The following EXD3 variants were observed in gnomAD, a reference collection of about 807,000 sequenced individuals.
EXD3 encodes exonuclease 3'-5' domain containing 3, also known as exonuclease mut-7 homolog.
EXD3 carries 92 observed loss-of-function variants against 98.0 expected under a neutral mutation model. That is an observed-to-expected ratio of 0.94 (90% confidence interval 0.79 to 1.12). The LOEUF (loss-of-function observed/expected upper bound fraction) is 1.12, where lower values mean the gene tolerates loss of function less well. EXD3 is among the 50% of genes most tolerant of loss of function. EXD3 has a pLI of 0.00. For synonymous variants in EXD3, 569 were observed against 526.0 expected, an observed-to-expected ratio of 1.08 and a Z score of -1.12; for missense variants, 1,222 against 1,191.6, an observed-to-expected ratio of 1.03 and a Z score of -0.38.
chr9:137,331,817 G>A lies in EXD3; in HGVS notation c.1999-7674C>T, dbSNP rs933207770. ...TGTAGTCCCAGCTACTCAGGAGGCT[G>A]AGGCAGGAGAATTGCTTGAACCCGG... On this transcript the variant is annotated intron_variant, in intron 17 of 21. Coordinates refer to ENST00000340951, the MANE Select transcript of EXD3 (RefSeq NM_017820.5). 2.0e-5 allele frequency among the ~76,000 whole-genome samples: 3 copies of A among 152,310 alleles called. No individual in the cohort carries two copies. The East Asian group carries it at 5.8e-4, about 29-fold the overall frequency.
At chr9:137,408,187 G>GT (rs1237237411) in intron 1 of EXD3, among the ~76,000 whole-genome samples, 1 of 152,116 alleles carries the variant, frequency 6.6e-6, no homozygotes, top group Non-Finnish European at 1.5e-5. Flanking sequence ...GCGCCTGGAT[G>GT]TGTCTCCTCC....
Position 137,349,017 on chromosome 9 carries a change from A to G in EXD3, c.1830+93T>C. The G allele has an allele frequency of 2.1e-6, 3 of 1,412,908 alleles. No homozygotes were observed. The highest frequency in any genetic ancestry group is 2.8e-6 in the Non-Finnish European group (3 of 1,065,250). 87.5% of individuals were successfully genotyped at this position (1,412,908 alleles called of 1,614,324 possible). On this transcript the variant is annotated intron_variant, in intron 16 of 21. Coordinates refer to ENST00000340951, the MANE Select transcript of EXD3 (RefSeq NM_017820.5). The surrounding 1 kb of genome is among the most constrained non-coding windows in gnomAD (Gnocchi z 7.4). ...GGGCCCCCTCCACACGCTCTGACCC[A>G]GTGGCCTTGTCTCCATGCAGGTCCT...
rs941865177 is a variant in EXD3 at position 137,347,933 on chromosome 9, C to G, written c.1998+138G>C. On this transcript the variant is annotated intron_variant, in intron 17 of 21. Transcript: ENST00000340951. The surrounding 1 kb of genome is among the most constrained non-coding windows in gnomAD (Gnocchi z 4.2). ...ACCGCTCCATCCTTGGCCACCCCGT[C>G]CTGTTCCCAGAGCCTGCCTGGCACA... The G allele has an allele frequency of 9.2e-7, 1 of 1,088,214 alleles. No homozygotes were observed. The highest frequency in any genetic ancestry group is 1.3e-6 in the Non-Finnish European group (1 of 771,334). The allele number at this position is 1,088,214 out of a possible 1,614,324, so 67.4% of individuals were successfully genotyped here.
At chr9:137,335,377 G>A (rs548003479) in intron 17 of EXD3, among the ~76,000 whole-genome samples, 55 of 152,190 alleles carry the variant, frequency 3.6e-4, no homozygotes, top group African/African-American at 1.3e-3. Context: ...AGCCAGAATA[G>A]ACATTATTAA....
At chr9:137,310,972 C>G (rs1294463902) in intron 19 of EXD3, among the ~76,000 whole-genome samples, 1 of 152,230 alleles carries the variant, frequency 6.6e-6, no homozygotes, top group Non-Finnish European at 1.5e-5. Flanking sequence ...GGCAGGTGGC[C>G]TCGAGGCCCC....
chr9:137,358,017 G>T (rs1279440928), intron 7 of EXD3, among the ~76,000 whole-genome samples: 2 of 152,164 alleles, frequency 1.3e-5, no homozygotes, highest in East Asian at 3.9e-4. Context: ...GAGATTAAGG[G>T]TGCGTCTGCC....
At chr9:137,365,804 C>T (rs1295675570) in intron 7 of EXD3, 2 of 347,874 alleles carry the variant, frequency 5.7e-6, no homozygotes. Context: ...CAGGCACACA[C>T]ATGTACACAT....
At chr9:137,322,347 G>A (rs1004351147) in intron 19 of EXD3, among the ~76,000 whole-genome samples, 1 of 151,560 alleles carries the variant, frequency 6.6e-6, no homozygotes, top group Admixed American at 6.6e-5. Context: ...CCTGGACCAG[G>A]GATTCTCTGC....
At chr9:137,353,285 G>A (rs912103583) in intron 10 of EXD3, 25 of 984,984 alleles carry the variant, frequency 2.5e-5, no homozygotes, top group African/African-American at 1.0e-4. Flanking sequence ...TGACCTTCCC[G>A]GCCTCCAAGC....
intron 1 of EXD3, among the ~76,000 whole-genome samples, chr9:137,416,484 A>C (rs1838232722): frequency 6.6e-6 from 1 of 152,314 alleles, no homozygotes. Flanking sequence ...CTCCACCAGA[A>C]ACATCCGGCC....
At chr9:137,391,244 A>T (rs1299600620) in intron 2 of EXD3, among the ~76,000 whole-genome samples, 1 of 152,228 alleles carries the variant, frequency 6.6e-6, no homozygotes, top group Non-Finnish European at 1.5e-5. Flanking sequence ...TGCGCTCATC[A>T]CGGAGCTTCG....
chr9:137,339,106 A>G (rs559015446), intron 17 of EXD3, among the ~76,000 whole-genome samples: 1 of 152,202 alleles, frequency 6.6e-6, no homozygotes, highest in South Asian at 2.1e-4. Flanking sequence ...TAAATTACCA[A>G]ATGTGATCAA....
intron 1 of EXD3, among the ~76,000 whole-genome samples, chr9:137,409,199 G>A (rs570836634): frequency 6.6e-6 from 1 of 152,212 alleles, no homozygotes; most frequent in South Asian, 2.1e-4. Flanking sequence ...GAGGAGGAGA[G>A]GCCTGAGGCC....
At chr9:137,409,951 C>T (rs1203632690) in intron 1 of EXD3, among the ~76,000 whole-genome samples, 6 of 151,976 alleles carry the variant, frequency 3.9e-5, no homozygotes, top group Non-Finnish European at 5.9e-5. Context: ...CTGAGGCGGA[C>T]GGATCACAAG....
rs1012305810 is a variant in EXD3, at chr9:137,393,821, T to C, written c.55+1482A>G. 2.0e-5 allele frequency among the ~76,000 whole-genome samples: 3 copies of C among 151,738 alleles called. No individual in the cohort carries two copies. The highest frequency in any genetic ancestry group is 7.3e-5 in the African/African-American group (3 of 41,282). On this transcript the variant is annotated intron_variant, in intron 2 of 21. Coordinates refer to ENST00000340951, the MANE Select transcript of EXD3 (RefSeq NM_017820.5). This position sits in a 1 kb window ranked among gnomAD's most constrained non-coding sequence, Gnocchi z 4.6. ...TGGGCAAAGGCCAGGGGGCGGTGAG[T>C]GAAAAGGCAGTAAACCCACAACAAA... is the stretch of plus-strand genomic sequence containing the variant.
At chr9:137,406,752 G>A in intron 1 of EXD3, among the ~76,000 whole-genome samples, 1 of 152,124 alleles carries the variant, frequency 6.6e-6, no homozygotes, top group East Asian at 1.9e-4. Flanking sequence ...CCCGGCCACA[G>A]CCTCAGTGGG....
intron 10 of EXD3, chr9:137,353,350 A>T (rs537192558): frequency 1.7e-4 from 163 of 985,266 alleles, no homozygotes; most frequent in Middle Eastern, 5.2e-4. Context: ...GGGTCCCAGG[A>T]GCCCGGGCAT....
chr9:137,353,128 C>T (rs1588327733), intron 10 of EXD3: 1 of 1,181,664 alleles, frequency 8.5e-7, no homozygotes, highest in Non-Finnish European at 1.1e-6. Flanking sequence ...TTCCCGGCCT[C>T]CAAGCCTCCA....
chr9:137,365,304 T>C (rs1835168106), intron 7 of EXD3: 1 of 152,286 alleles, frequency 6.6e-6, no homozygotes. Flanking sequence ...GACGTCCAAG[T>C]CCAAGCCTGT....
Sources: gnomAD v4.1 joint callset for allele counts (sites outside exome capture counted in the v4.1 genomes callset) on GRCh38, gnomAD v4.1.1 for gene constraint, Gnocchi (gnomAD v3.1) non-coding constraint, MANE v1.5 for transcripts, NCBI Gene and HGNC (gene_info 2026-07-23, HGNC 2026-07-21) for gene names.